Variants in GPC5 observed in about 807,000 individuals in gnomAD.
GPC5 encodes the protein glypican 5, also known as glypican-5.
A neutral mutation model predicts 53.9 loss-of-function variants in GPC5; 47 were observed. The ratio of observed to expected loss-of-function variants is 0.87; its 90% CI spans 0.69 to 1.11. GPC5 has a LOEUF of 1.11. Ranked by LOEUF, GPC5 falls within the 50% of genes most tolerant of loss-of-function variation. The probability of loss-of-function intolerance (pLI) is 0.00; values close to 1 mark genes in which losing one functional copy is unlikely to be tolerated. For synonymous variants in GPC5, 286 were observed against 263.3 expected, an observed-to-expected ratio of 1.09 and a Z score of -0.84; for missense variants, 748 against 713.1, an observed-to-expected ratio of 1.05 and a Z score of -0.56.
intron 7 of GPC5, among the ~76,000 whole-genome samples, chr13:92,716,951 T>G (rs1447593530): frequency 6.6e-6 from 1 of 152,158 alleles, no homozygotes; most frequent in East Asian, 1.9e-4. Context: ...ACATTATCCC[T>G]ATTTTCCAAG....
intron 3 of GPC5, among the ~76,000 whole-genome samples, chr13:91,719,030 T>C (rs562046883): frequency 6.6e-6 from 1 of 151,290 alleles, no homozygotes; most frequent in African/African-American, 2.4e-5. Context: ...TTGATAATAC[T>C]TCACACAGTT....
chr13:92,205,588 A>T (rs1340554807), intron 7 of GPC5, among the ~76,000 whole-genome samples: 1 of 152,220 alleles, frequency 6.6e-6, no homozygotes, highest in Admixed American at 6.5e-5. Context: ...TTTACTACAG[A>T]GGGCACATTC....
At chr13:91,806,260 T>G (rs2038219423) in intron 5 of GPC5, among the ~76,000 whole-genome samples, 1 of 151,860 alleles carries the variant, frequency 6.6e-6, no homozygotes, top group South Asian at 2.1e-4. Context: ...GGTCTTGTAC[T>G]CGTGAGCTAG....
intron 7 of GPC5, among the ~76,000 whole-genome samples, chr13:92,747,180 C>A (rs1398226046): frequency 6.6e-6 from 1 of 152,068 alleles, no homozygotes; most frequent in Non-Finnish European, 1.5e-5. Flanking sequence ...CTGACATATC[C>A]ATTTTTAGTA....
intron 7 of GPC5, among the ~76,000 whole-genome samples, chr13:92,712,470 A>T (rs1441408539): frequency 6.6e-6 from 1 of 152,064 alleles, no homozygotes; most frequent in African/African-American, 2.4e-5. Context: ...CAAACAAAAA[A>T]AAAACGGCAA....
At chr13:91,982,171 C>T (rs192712906) in intron 6 of GPC5, among the ~76,000 whole-genome samples, 1 of 152,276 alleles carries the variant, frequency 6.6e-6, no homozygotes, top group Non-Finnish European at 1.5e-5. Context: ...TGGCCAGAGG[C>T]AGAGGTCATT....
chr13:92,503,244 C>T (rs541902635), intron 7 of GPC5, among the ~76,000 whole-genome samples: 4 of 151,958 alleles, frequency 2.6e-5, no homozygotes, highest in East Asian at 1.9e-4. Context: ...TACTGTCTCA[C>T]CTTTCCAAGT....
chr13:91,629,987 G>A (rs1015378703), intron 2 of GPC5, among the ~76,000 whole-genome samples: 1 of 151,858 alleles, frequency 6.6e-6, no homozygotes, highest in Middle Eastern at 3.2e-3. Context: ...CATCTTTATC[G>A]CCAGGCACAG....
At chr13:92,197,674 TTTTTTGTA>T (rs1477515198) in intron 7 of GPC5, among the ~76,000 whole-genome samples, 99 of 151,918 alleles carry the variant, frequency 6.5e-4, no homozygotes, top group African/African-American at 2.3e-3. Flanking sequence ...ATTTTTTTTT[TTTTTTGTA>T]TTTTTGTATT....
chr13:92,326,998 C>T (rs2043256678), intron 7 of GPC5, among the ~76,000 whole-genome samples: 1 of 152,064 alleles, frequency 6.6e-6, no homozygotes, highest in African/African-American at 2.4e-5. Context: ...ATCCTGTCTC[C>T]CTATCTGCCT....
chr13:91,713,846 A>C (rs180780179), intron 3 of GPC5, among the ~76,000 whole-genome samples: 2 of 152,292 alleles, frequency 1.3e-5, no homozygotes, highest in Admixed American at 1.3e-4. Context: ...ATATGTCTCA[A>C]ATAGGTTTGA....
intron 7 of GPC5, among the ~76,000 whole-genome samples, chr13:92,381,900 C>CATATATATG (rs1566565326): frequency 5.4e-5 from 6 of 111,588 alleles, no homozygotes; most frequent in East Asian, 2.4e-4. Flanking sequence ...TATATATAAT[C>CATATATATG]ATATATATGA....
intron 3 of GPC5, among the ~76,000 whole-genome samples, chr13:91,713,114 C>G (rs1233543692): frequency 6.6e-6 from 1 of 152,094 alleles, no homozygotes; most frequent in African/African-American, 2.4e-5. Context: ...TTGCTTGAAC[C>G]CGGGAGGCGG....
At chr13:91,990,079 G>T (rs1417300407) in intron 6 of GPC5, among the ~76,000 whole-genome samples, 1 of 152,078 alleles carries the variant, frequency 6.6e-6, no homozygotes, top group Non-Finnish European at 1.5e-5. Context: ...GATAACCTCA[G>T]GGTTCCCATC....
intron 2 of GPC5, among the ~76,000 whole-genome samples, chr13:91,470,320 C>T (rs1324770752): frequency 1.3e-5 from 2 of 152,132 alleles, no homozygotes; most frequent in Admixed American, 6.6e-5. Flanking sequence ...CTCTGTCAAA[C>T]GTCCTTTCAA....
intron 7 of GPC5, among the ~76,000 whole-genome samples, chr13:92,588,638 A>G (rs899766778): frequency 3.3e-5 from 5 of 152,088 alleles, no homozygotes; most frequent in African/African-American, 1.2e-4. Flanking sequence ...TGTCCTTTCT[A>G]TGTGTCTGTT....
chr13:91,469,531 G>T (rs1270753167), intron 2 of GPC5, among the ~76,000 whole-genome samples: 2 of 151,960 alleles, frequency 1.3e-5, no homozygotes, highest in Admixed American at 6.6e-5. Context: ...CCTCCTAAGT[G>T]CTAGTCTTAC....
At chr13:92,494,862 A>G (rs1354969486) in intron 7 of GPC5, among the ~76,000 whole-genome samples, 1 of 152,134 alleles carries the variant, frequency 6.6e-6, no homozygotes, top group African/African-American at 2.4e-5. Context: ...CTTTCTTCCT[A>G]TCAACCAAAA....
At chr13:92,150,006 A>G (rs920261821) in intron 7 of GPC5, among the ~76,000 whole-genome samples, 3 of 151,992 alleles carry the variant, frequency 2.0e-5, no homozygotes, top group South Asian at 2.1e-4. Flanking sequence ...GTTTCACCAA[A>G]TTTAATCAAA....
Sources: allele counts gnomAD v4.1 joint callset (sites outside exome capture counted in the v4.1 genomes callset), GRCh38; gene constraint gnomAD v4.1.1; transcripts MANE v1.5; gene names NCBI Gene and HGNC (gene_info 2026-07-23, HGNC 2026-07-21).